Variants in ME3 observed in about 807,000 individuals in gnomAD.
ME3 encodes the protein NADP-dependent malic enzyme, mitochondrial.
A neutral mutation model predicts 68.9 loss-of-function variants in ME3; 48 were observed. That is an observed-to-expected ratio of 0.70 (90% CI 0.55 to 0.89). ME3 has a LOEUF of 0.89. ME3 is among the 40% of genes least tolerant of loss of function. The pLI, the probability that ME3 is intolerant of heterozygous loss-of-function variation, is 0.00. For synonymous variants in ME3, 320 were observed against 318.8 expected, an observed-to-expected ratio of 1.00 and a Z score of -0.04; for missense variants, 675 against 797.4, an observed-to-expected ratio of 0.85 and a Z score of 1.85.
At chr11:86,599,117 T>G (rs1404188017) in intron 2 of ME3, among the ~76,000 whole-genome samples, 8 of 151,926 alleles carry the variant, frequency 5.3e-5, no homozygotes, top group Admixed American at 5.2e-4. Context: ...CTTTGACGAG[T>G]TGAGAGAAGA....
At chr11:86,647,196 T>C (rs1945075975) in intron 2 of ME3, among the ~76,000 whole-genome samples, 2 of 152,156 alleles carry the variant, frequency 1.3e-5, no homozygotes. Flanking sequence ...GATTCACACA[T>C]AACAATATTA....
intron 4 of ME3, among the ~76,000 whole-genome samples, chr11:86,545,447 G>T (rs934344661): frequency 6.6e-6 from 1 of 152,190 alleles, no homozygotes; most frequent in African/African-American, 2.4e-5. Context: ...ATCTCCTTAA[G>T]CTGATAAGCA....
chr11:86,640,944 G>A (rs1313403786), intron 2 of ME3, among the ~76,000 whole-genome samples: 1 of 151,644 alleles, frequency 6.6e-6, no homozygotes, highest in African/African-American at 2.4e-5. Flanking sequence ...AGATGGGGAA[G>A]AAGGTGTTCC....
intron 5 of ME3, among the ~76,000 whole-genome samples, chr11:86,499,241 T>C (rs1273698157): frequency 6.6e-6 from 1 of 151,966 alleles, no homozygotes; most frequent in South Asian, 2.1e-4. Flanking sequence ...AGATGTAGGT[T>C]GCAGGAAGGG....
intron 2 of ME3, among the ~76,000 whole-genome samples, chr11:86,574,314 T>A (rs528638425): frequency 8.6e-5 from 13 of 151,492 alleles, no homozygotes; most frequent in African/African-American, 2.9e-4. Flanking sequence ...TTTCAGCTTT[T>A]TGCACAGGTT....
chr11:86,608,166 A>G (rs760272476), intron 2 of ME3, among the ~76,000 whole-genome samples: 1 of 152,212 alleles, frequency 6.6e-6, no homozygotes, highest in Non-Finnish European at 1.5e-5. Flanking sequence ...GGAAGGTTCC[A>G]AACATTTTTA....
intron 4 of ME3, among the ~76,000 whole-genome samples, chr11:86,527,136 C>T (rs1022943990): frequency 6.6e-6 from 1 of 152,126 alleles, no homozygotes; most frequent in Non-Finnish European, 1.5e-5. Flanking sequence ...AGACAAATGG[C>T]TTCCTAGAAT....
chr11:86,646,000 GC>G (rs1231380307), intron 2 of ME3, among the ~76,000 whole-genome samples: 1 of 152,176 alleles, frequency 6.6e-6, no homozygotes, highest in Non-Finnish European at 1.5e-5. Context: ...GGAAGCAATA[GC>G]ATCGACATCA....
intron 2 of ME3, among the ~76,000 whole-genome samples, chr11:86,651,780 G>C (rs1229636235): frequency 2.0e-5 from 3 of 152,220 alleles, no homozygotes; most frequent in East Asian, 1.9e-4. Context: ...GAAGGCTTCA[G>C]ATGATCAAAT....
At chr11:86,593,438 C>T (rs77264217) in intron 2 of ME3, among the ~76,000 whole-genome samples, 1,537 of 146,682 alleles carry the variant, frequency 0.01, 231 homozygotes, top group South Asian at 0.066. Flanking sequence ...TTTAATATTT[C>T]GTAAAACAAT....
intron 3 of ME3, 48 bp from the exon 4 acceptor site, chr11:86,556,750 C>G (rs1337591353): frequency 1.1e-5 from 17 of 1,589,402 alleles, no homozygotes; most frequent in Non-Finnish European, 1.4e-5. Flanking sequence ...AGCAGCAGGC[C>G]CTGATGCCTC....
chr11:86,595,306 T>TATATATAG (rs371436753), intron 2 of ME3, among the ~76,000 whole-genome samples: 69 of 79,824 alleles, frequency 8.6e-4, no homozygotes, highest in Non-Finnish European at 1.2e-3. Context: ...TATATATATA[T>TATATATAG]AGAGAGAGAG....
chr11:86,582,191 A>G (rs11234699), intron 2 of ME3, among the ~76,000 whole-genome samples: 50,388 of 152,216 alleles, frequency 0.33, 8,631 homozygotes, highest in East Asian at 0.57. Flanking sequence ...CATTCCCAGA[A>G]GAAGCAGGCA....
At chr11:86,659,903 GATCT>G (rs1281708743) in intron 2 of ME3, among the ~76,000 whole-genome samples, 1 of 151,938 alleles carries the variant, frequency 6.6e-6, no homozygotes, top group Non-Finnish European at 1.5e-5. Context: ...AATTTGGCTG[GATCT>G]ATTTTTTTTT....
At chr11:86,525,496 C>G (rs188596026) in intron 4 of ME3, among the ~76,000 whole-genome samples, 1 of 149,870 alleles carries the variant, frequency 6.7e-6, no homozygotes, top group Non-Finnish European at 1.5e-5. Context: ...AAAAGGCTAA[C>G]GTGGCTGAAT....
At chr11:86,504,950 C>G (rs1466510284) in intron 5 of ME3, among the ~76,000 whole-genome samples, 1 of 152,208 alleles carries the variant, frequency 6.6e-6, no homozygotes, top group Non-Finnish European at 1.5e-5. Flanking sequence ...CTCAGCCTCC[C>G]AAAGTGCTGG....
Position 86,571,715 on chromosome 11 carries a change from TGGCCACCTG to T in ME3, c.184-11901_184-11893del, listed in dbSNP as rs1957804894. On this transcript the variant is annotated intron_variant, in intron 2 of 14. Transcript: ENST00000543262. Reference sequence around the variant, plus strand: ...AGAACCCTGACTTTGGGTCCGGCTCTGGCCACCTGGTGGAGAAACCCTGATCTGCCTTGA... The same window carrying T: ...AGAACCCTGACTTTGGGTCCGGCTCTGTGGAGAAACCCTGATCTGCCTTGA... 2.0e-5 allele frequency among the ~76,000 whole-genome samples: 3 copies of T among 152,270 alleles called. No individual in the cohort carries two copies. The South Asian group carries it at 6.2e-4, about 31-fold the overall frequency.
At chr11:86,588,208 T>C (rs1225250905) in intron 2 of ME3, among the ~76,000 whole-genome samples, 1 of 152,204 alleles carries the variant, frequency 6.6e-6, no homozygotes, top group East Asian at 1.9e-4. Context: ...TCACAATTAA[T>C]TGGCAGTATC....
intron 4 of ME3, among the ~76,000 whole-genome samples, chr11:86,543,666 A>C (rs1036842916): frequency 6.6e-6 from 1 of 152,204 alleles, no homozygotes; most frequent in Non-Finnish European, 1.5e-5. Context: ...AAGTTCTTAC[A>C]GACCTACAAA....
Sources: gnomAD v4.1 joint callset for allele counts (sites outside exome capture counted in the v4.1 genomes callset) on GRCh38, gnomAD v4.1.1 for gene constraint, MANE v1.5 for transcripts, NCBI Gene and HGNC (gene_info 2026-07-23, HGNC 2026-07-21) for gene names.